SCRG1: variants seen among roughly 807,000 people sequenced by gnomAD.
The protein encoded by SCRG1 is scrapie-responsive protein 1.
A neutral mutation model predicts 7.7 loss-of-function variants in SCRG1; 3 were observed. The observed-to-expected ratio is 0.39, with a 90% CI of 0.18 to 1.01. SCRG1 has a LOEUF of 1.01. Ranked by LOEUF, SCRG1 falls within the 50% of genes least tolerant of loss-of-function variation. The probability of loss-of-function intolerance (pLI) is 0.36; values close to 1 mark genes in which losing one functional copy is unlikely to be tolerated. For missense variants in SCRG1, 110 were observed against 117.2 expected (o/e 0.94, Z 0.28); for synonymous variants, 46 against 41.2 (o/e 1.12, Z -0.44).
At chr4:173,408,475 G>A (rs1739967564), upstream of SCRG1, among the ~76,000 whole-genome samples, 1 of 152,136 alleles carries the variant, frequency 6.6e-6, no homozygotes, top group Non-Finnish European at 1.5e-5. Context: ...TATGGCTCAA[G>A]TGTAAATATC....
At chr4:173,391,977 T>G (rs1193463768) in intron 1 of SCRG1, among the ~76,000 whole-genome samples, 1 of 152,174 alleles carries the variant, frequency 6.6e-6, no homozygotes, top group Non-Finnish European at 1.5e-5. Flanking sequence ...GCAATCTGCA[T>G]TTAAGAAGTA....
At chr4:173,497,714 A>G in the SCRG1 span, among the ~76,000 whole-genome samples, 3 of 138,404 alleles carry the variant, frequency 2.2e-5, no homozygotes, top group Non-Finnish European at 4.6e-5. Flanking sequence ...TCTGTCACTG[A>G]GGCTGGAGTG....
chr4:173,421,770 T>C, the SCRG1 span, among the ~76,000 whole-genome samples: 2 of 152,156 alleles, frequency 1.3e-5, no homozygotes, highest in African/African-American at 4.8e-5. Context: ...TTCAAAAATA[T>C]CTTTAGTATG....
At chr4:173,416,982 C>T in the SCRG1 span, among the ~76,000 whole-genome samples, 11 of 144,274 alleles carry the variant, frequency 7.6e-5, no homozygotes, top group Non-Finnish European at 1.7e-4. Flanking sequence ...ACCACACACA[C>T]ACCCCACACA....
chr4:173,396,714 G>GTGTGTGTGTGTC (rs1461795462), intron 1 of SCRG1, among the ~76,000 whole-genome samples: 1 of 117,718 alleles, frequency 8.5e-6, no homozygotes, highest in African/African-American at 3.6e-5. Context: ...TGGTAGTTTT[G>GTGTGTGTGTGTC]TGTGTGTGTG....
At chr4:173,468,487 C>T in the SCRG1 span, 2 of 152,148 alleles carry the variant, frequency 1.3e-5, no homozygotes, top group Admixed American at 1.3e-4. Context: ...TATTGAATAA[C>T]ACCCATGTGT....
the SCRG1 span, among the ~76,000 whole-genome samples, chr4:173,499,805 G>T: frequency 3.9e-5 from 6 of 152,324 alleles, no homozygotes; most frequent in Admixed American, 1.3e-4. The surrounding 1 kb of genome is among the most constrained non-coding windows in gnomAD (Gnocchi z 4.1). Flanking sequence ...AGAAAAAAAA[G>T]TGGGGGGCAG....
chr4:173,516,358 A>G, the SCRG1 span, among the ~76,000 whole-genome samples: 2,455 of 152,358 alleles, frequency 0.016, 71 homozygotes, highest in African/African-American at 0.056. Context: ...ACACCCTGCA[A>G]TGCAGAGAAA....
chr4:173,487,716 G>T, the SCRG1 span, among the ~76,000 whole-genome samples: 3 of 151,784 alleles, frequency 2.0e-5, no homozygotes, highest in East Asian at 1.9e-4. Flanking sequence ...ACATATTTGG[G>T]CTTTTTTTAA....
chr4:173,412,105 T>C, the SCRG1 span, among the ~76,000 whole-genome samples: 2 of 152,154 alleles, frequency 1.3e-5, no homozygotes, highest in African/African-American at 4.8e-5. Flanking sequence ...CTTGGTCTTC[T>C]TATATCATGC....
chr4:173,443,716 A>G, the SCRG1 span, among the ~76,000 whole-genome samples: 3 of 151,640 alleles, frequency 2.0e-5, no homozygotes, highest in Non-Finnish European at 4.4e-5. Context: ...TTTCTTTTTA[A>G]GAGAAGGGGT....
the SCRG1 span, among the ~76,000 whole-genome samples, chr4:173,511,775 A>C: frequency 6.6e-6 from 1 of 152,122 alleles, no homozygotes; most frequent in South Asian, 2.1e-4. The surrounding 1 kb of genome is among the most constrained non-coding windows in gnomAD (Gnocchi z 5.2). Flanking sequence ...TATATATTAT[A>C]ATGTATATAT....
Position 173,387,781 on chromosome 4 carries a change from T to C in SCRG1, c.*560A>G, listed in dbSNP as rs964192419. 1 of 136,622 alleles carries C rather than the reference T, an allele frequency of 7.3e-6. No homozygotes were observed. The highest frequency in any genetic ancestry group is 2.7e-5 in the African/African-American group (1 of 37,232). 8.5% of individuals were successfully genotyped at this position (136,622 alleles called of 1,614,324 possible). On this transcript the variant is annotated 3_prime_UTR_variant, in exon 3 of 3. Coordinates refer to ENST00000296506, the MANE Select transcript of SCRG1 (RefSeq NM_007281.4). ...AGGCTAGAGTGCAGTAGTGCAATCA[T>C]AGCTCACTGCAGACTCGAAATTCTA...
chr4:173,474,724 A>G, the SCRG1 span, among the ~76,000 whole-genome samples: 4 of 152,346 alleles, frequency 2.6e-5, no homozygotes, highest in African/African-American at 7.2e-5. Context: ...CAGGAAAGAC[A>G]CAAGAGTTGT....
the SCRG1 span, among the ~76,000 whole-genome samples, chr4:173,459,916 T>C: frequency 6.6e-6 from 1 of 150,844 alleles, no homozygotes; most frequent in African/African-American, 2.4e-5. Flanking sequence ...AAAAAAAAAA[T>C]ACATGTGTGA....
At chr4:173,418,676 T>G in the SCRG1 span, among the ~76,000 whole-genome samples, 1 of 152,122 alleles carries the variant, frequency 6.6e-6, no homozygotes, top group Admixed American at 6.5e-5. Context: ...CACCCAAATC[T>G]CATGTCAAAT....
chr4:173,484,079 T>A, the SCRG1 span, among the ~76,000 whole-genome samples: 1 of 88,050 alleles, frequency 1.1e-5, no homozygotes, highest in Non-Finnish European at 1.9e-5. Flanking sequence ...ATACATGATA[T>A]AATATATAAT....
upstream of SCRG1, among the ~76,000 whole-genome samples, chr4:173,407,537 A>T (rs1250988526): frequency 1.3e-5 from 2 of 152,196 alleles, no homozygotes; most frequent in East Asian, 3.8e-4. Context: ...TTCATTTAAA[A>T]ACGAAAAAAA....
Position 173,391,637 on chromosome 4 carries a change from CG to C in SCRG1, c.-14-210del, listed in dbSNP as rs529770258. Among the ~76,000 whole-genome samples the C allele has an allele frequency of 1.7e-3, 255 of 152,264 alleles. 1 individual carries two copies. The highest frequency in any genetic ancestry group is 5.6e-3 in the African/African-American group (234 of 41,544). Reference sequence around the variant, plus strand: ...TGGAATATTTGTTAAAAATCAAATGCGCAGGCTTCTGGGCCAGGCACAGTGG... The same window carrying C: ...TGGAATATTTGTTAAAAATCAAATGCCAGGCTTCTGGGCCAGGCACAGTGG... On this transcript the variant is annotated intron_variant, in intron 1 of 2. Transcript: ENST00000296506.
Sources: gnomAD v4.1 joint callset for allele counts (sites outside exome capture counted in the v4.1 genomes callset) on GRCh38, gnomAD v4.1.1 for gene constraint, Gnocchi (gnomAD v3.1) non-coding constraint, MANE v1.5 for transcripts, NCBI Gene and HGNC (gene_info 2026-07-23, HGNC 2026-07-21) for gene names.